The following AHI1 variants were observed in gnomAD, a reference collection of about 807,000 sequenced individuals.
AHI1 encodes the protein Abelson helper integration site 1.
AHI1 carries 123 observed loss-of-function variants against 149.3 expected under a neutral mutation model. That is an observed-to-expected ratio of 0.82 (90% CI 0.71 to 0.96). The LOEUF is 0.96. Ranked by LOEUF, AHI1 falls within the 40% of genes least tolerant of loss-of-function variation. The probability of loss-of-function intolerance (pLI) is 0.00; values close to 1 mark genes in which losing one functional copy is unlikely to be tolerated. For missense variants in AHI1, 1,439 were observed against 1,422.7 expected, an observed-to-expected ratio of 1.01 and a Z score of -0.18; for synonymous variants, 475 against 459.8, an observed-to-expected ratio of 1.03 and a Z score of -0.42.
chr6:135,380,988 C>T (rs1359123845), intron 23 of AHI1, among the ~76,000 whole-genome samples: 1 of 151,908 alleles, frequency 6.6e-6, no homozygotes, highest in Non-Finnish European at 1.5e-5. Context: ...TAAAAATATG[C>T]TTATTATGTT....
In AHI1 at chr6:135,394,816, G is replaced by A. The variant is rs758400382; in HGVS notation, c.3069C>T (p.Thr1023=). ...CAAACTGATGTAGAATCTCTTGAGC[G>A]GTCAGCATGTTTGACTGCTTTAACT... ...QSKLKQSNML[T]AQEILHQFGF... Residue 1023 remains threonine, a synonymous_variant, in exon 23 of 29, where the codon ACC becomes ACT. Coordinates refer to ENST00000265602, the MANE Select transcript of AHI1 (RefSeq NM_001134831.2). 15 of 1,609,092 alleles carry A rather than the reference G, an allele frequency of 9.3e-6. No homozygotes were observed. Among genetic ancestry groups the A allele is most frequent in the South Asian group, 3.3e-5 (3 of 90,056 alleles).
At chr6:135,474,221 A>G (rs1792215369) in intron 5 of AHI1, among the ~76,000 whole-genome samples, 2 of 152,216 alleles carry the variant, frequency 1.3e-5, no homozygotes. Context: ...TGTAACTTCT[A>G]GTAGCACTTT....
intron 7 of AHI1, among the ~76,000 whole-genome samples, chr6:135,465,452 A>G (rs926639193): frequency 6.6e-6 from 1 of 152,218 alleles, no homozygotes; most frequent in Non-Finnish European, 1.5e-5. Flanking sequence ...TTGTAACTCA[A>G]AAAAGGGGAA....
At chr6:135,429,833 A>AT in intron 18 of AHI1, 49 bp downstream of exon 18, 1 of 1,094,426 alleles carries the variant, frequency 9.1e-7, no homozygotes, top group South Asian at 1.5e-5. Context: ...AATTTAATTC[A>AT]TTACTTACTC....
At chr6:135,335,641 T>C (rs1324819947) in intron 24 of AHI1, among the ~76,000 whole-genome samples, 1 of 152,170 alleles carries the variant, frequency 6.6e-6, no homozygotes, top group Non-Finnish European at 1.5e-5. Flanking sequence ...AATTTGTGCA[T>C]GAATTATTTC....
chr6:135,377,328 T>C (rs1776095058), intron 23 of AHI1, among the ~76,000 whole-genome samples: 1 of 152,204 alleles, frequency 6.6e-6, no homozygotes, highest in Non-Finnish European at 1.5e-5. Flanking sequence ...AGACATTTAA[T>C]TATCTTACAG....
intron 11 of AHI1, among the ~76,000 whole-genome samples, chr6:135,450,456 T>C (rs1296802311): frequency 6.6e-6 from 1 of 152,080 alleles, no homozygotes; most frequent in African/African-American, 2.4e-5. Context: ...GGAAAGAATG[T>C]AAAGACAATG....
In AHI1 at chr6:135,428,503, A is replaced by G. The variant is rs1292637344; in HGVS notation, c.2623+126T>C. On this transcript the variant is annotated intron_variant, in intron 19 of 28. Transcript: ENST00000265602. ...TCCTTTAAAGGCTTTCTAATCTTAA[A>G]AAACATAATTGAAAACCCAAAATCA... The G allele has an allele frequency of 3.3e-6, 4 of 1,199,810 alleles. No homozygotes were observed. In the Admixed American group the frequency reaches 9.8e-5, roughly 30 times the overall value. 74.3% of individuals were successfully genotyped at this position (1,199,810 alleles called of 1,614,324 possible). A position where few individuals can be genotyped will look rare whatever the true frequency, so the allele number is the denominator to read the frequency against.
At chr6:135,491,190 T>C (rs1372998508) in intron 4 of AHI1, among the ~76,000 whole-genome samples, 2 of 152,208 alleles carry the variant, frequency 1.3e-5, no homozygotes, top group Non-Finnish European at 2.9e-5. Context: ...TTAACAGGTT[T>C]TTCCTTTAAA....
At chr6:135,438,333 C>G (rs574741172) in intron 15 of AHI1, 42 bp downstream of exon 15, 2 of 1,493,896 alleles carry the variant, frequency 1.3e-6, no homozygotes, top group South Asian at 1.5e-5. Context: ...CTTTCCTTGA[C>G]AGCAAACAGC....
intron 24 of AHI1, among the ~76,000 whole-genome samples, chr6:135,342,592 T>C (rs967697498): frequency 4.0e-5 from 6 of 151,796 alleles, no homozygotes; most frequent in Admixed American, 3.3e-4. Context: ...GCTTAACATA[T>C]GAAAATCTAC....
Position 135,495,810 on chromosome 6 carries a change from T to A in AHI1, c.-55+4A>T, listed in dbSNP as rs1026803294. On this transcript the variant is annotated splice_donor_region_variant and intron_variant, in intron 3 of 28. Transcript: ENST00000265602. The stretch of plus-strand genomic sequence containing the variant: ...CAGGCTTGAGCTCTAGTGTCACCAC[T>A]TACTGATGTGTGGCCTTGGGCAAGC... The A allele has an allele frequency of 3.3e-5, 5 of 152,230 alleles. No individual in the cohort carries two copies. The highest frequency in any genetic ancestry group is 1.2e-4 in the African/African-American group (5 of 41,460). The allele number at this position is 152,230 out of a possible 1,614,324, so 9.4% of individuals were successfully genotyped here.
At chr6:135,368,182 G>C (rs1217711034) in intron 23 of AHI1, among the ~76,000 whole-genome samples, 1 of 152,174 alleles carries the variant, frequency 6.6e-6, no homozygotes, top group Admixed American at 6.5e-5. Context: ...GCAGAGTCTG[G>C]TGATGTGATC....
chr6:135,373,579 T>A (rs1350832402), intron 23 of AHI1, among the ~76,000 whole-genome samples: 7 of 152,240 alleles, frequency 4.6e-5, no homozygotes, highest in Non-Finnish European at 8.8e-5. Context: ...TTAGTATTTA[T>A]TTTGTAGAAA....
chr6:135,317,460 C>T (rs1408234664), intron 26 of AHI1, among the ~76,000 whole-genome samples: 2 of 149,180 alleles, frequency 1.3e-5, no homozygotes, highest in African/African-American at 5.0e-5. Context: ...CATATTTTTG[C>T]ATCCTAGATG....
rs545867697 is a variant in AHI1 at position 135,378,044 on chromosome 6, A to T, written c.3109+16732T>A. Among the ~76,000 whole-genome samples, 7 of 149,472 alleles carry T rather than the reference A, an allele frequency of 4.7e-5. No individual in the cohort carries two copies. In the South Asian group the frequency reaches 1.5e-3, roughly 31 times the overall value. ...TATCAGTTATTTATAATTCTCCATG[A>T]TTAGTATTTGTTCCTTTACAATTAG... is the stretch of plus-strand genomic sequence containing the variant. On this transcript the variant is annotated intron_variant, in intron 23 of 28. Coordinates refer to ENST00000265602, the MANE Select transcript of AHI1 (RefSeq NM_001134831.2).
chr6:135,480,494 A>G (rs1237309167), intron 5 of AHI1, among the ~76,000 whole-genome samples: 3 of 152,020 alleles, frequency 2.0e-5, no homozygotes, highest in African/African-American at 7.2e-5. Flanking sequence ...ACAAAAGTAT[A>G]CTTCTATTTA....
intron 5 of AHI1, among the ~76,000 whole-genome samples, chr6:135,471,965 T>C (rs899031855): frequency 1.1e-4 from 14 of 126,986 alleles, no homozygotes; most frequent in African/African-American, 1.8e-4. Flanking sequence ...TGAGCCGAGA[T>C]TGCGCCACTG....
chr6:135,483,058 A>AT (rs796408900), intron 5 of AHI1, among the ~76,000 whole-genome samples: 2,247 of 140,536 alleles, frequency 0.016, 51 homozygotes, highest in African/African-American at 0.046. Context: ...CACCTGGCTA[A>AT]TTTTTTTTTT....
Sources: allele counts gnomAD v4.1 joint callset (sites outside exome capture counted in the v4.1 genomes callset), GRCh38; gene constraint gnomAD v4.1.1; transcripts MANE v1.5; gene names NCBI Gene and HGNC (gene_info 2026-07-23, HGNC 2026-07-21).